Variants in SHMT1 observed in about 807,000 individuals in gnomAD.
SHMT1 encodes serine hydroxymethyltransferase 1.
Under a neutral mutation model 49.0 loss-of-function variants are expected in SHMT1, and 45 were observed. The ratio of observed to expected loss-of-function variants is 0.92; its 90% CI spans 0.72 to 1.18. The LOEUF (loss-of-function observed/expected upper bound fraction) is 1.18, where lower values mean the gene tolerates loss of function less well. Among genes scored for constraint, SHMT1 ranks in the 50% most tolerant of loss-of-function variants. The pLI is 0.00. For missense variants in SHMT1, 541 were observed against 612.4 expected (o/e 0.88, Z 1.23); for synonymous variants, 232 against 246.6 (o/e 0.94, Z 0.55).
intron 1 of SHMT1, among the ~76,000 whole-genome samples, chr17:18,360,158 A>T (rs1288502736): frequency 2.0e-5 from 3 of 151,998 alleles, no homozygotes; most frequent in Admixed American, 6.6e-5. Flanking sequence ...CTGAGGTAGG[A>T]AAATCGCTTG....
chr17:18,345,339 C>A (rs1269262107), intron 5 of SHMT1, among the ~76,000 whole-genome samples: 1 of 152,166 alleles, frequency 6.6e-6, no homozygotes, highest in Non-Finnish European at 1.5e-5. Flanking sequence ...CTCACTGCAA[C>A]CTCCGCCTCC....
intron 1 of SHMT1, among the ~76,000 whole-genome samples, chr17:18,356,504 T>C (rs971862749): frequency 6.6e-6 from 1 of 151,902 alleles, no homozygotes; most frequent in African/African-American, 2.4e-5. Flanking sequence ...CCTGGCTAAT[T>C]TGTGTATTTT....
chr17:18,355,263 A>G (rs1212342964), intron 2 of SHMT1, among the ~76,000 whole-genome samples: 6 of 138,336 alleles, frequency 4.3e-5, no homozygotes, highest in East Asian at 2.4e-4. Flanking sequence ...CCAGCTACTC[A>G]GGAGGCTGAG....
At chr17:18,342,305 A>T (rs958390403) in intron 5 of SHMT1, among the ~76,000 whole-genome samples, 5 of 152,126 alleles carry the variant, frequency 3.3e-5, no homozygotes, top group Non-Finnish European at 7.4e-5. Context: ...GCTCAGACAG[A>T]CAAATACTGC....
intron 3 of SHMT1, among the ~76,000 whole-genome samples, chr17:18,351,837 GT>G (rs1985738016): frequency 6.6e-6 from 1 of 151,812 alleles, no homozygotes; most frequent in South Asian, 2.1e-4. Flanking sequence ...TTAAGTTGTG[GT>G]TTTTCGGGGT....
chr17:18,354,651 A>G (rs1384299389), intron 2 of SHMT1, among the ~76,000 whole-genome samples: 1 of 152,086 alleles, frequency 6.6e-6, no homozygotes, highest in Non-Finnish European at 1.5e-5. Context: ...TGTCCCACCT[A>G]ATTTTTAACA....
chr17:18,358,266 C>T (rs1446675609), intron 1 of SHMT1, among the ~76,000 whole-genome samples: 2 of 149,802 alleles, frequency 1.3e-5, no homozygotes, highest in Non-Finnish European at 3.0e-5. Context: ...CCGAGGTGGG[C>T]GGATCAGGAG....
At chr17:18,338,056 C>T (rs1394374648) in intron 7 of SHMT1, among the ~76,000 whole-genome samples, 6 of 151,046 alleles carry the variant, frequency 4.0e-5, no homozygotes, top group African/African-American at 1.2e-4. Context: ...TGAGGAGCCC[C>T]TCTGCCTGGC....
chr17:18,350,896 C>T (rs1401255386), intron 3 of SHMT1, among the ~76,000 whole-genome samples: 2 of 151,658 alleles, frequency 1.3e-5, no homozygotes. Flanking sequence ...CCACACCCAG[C>T]TAATTTTTGT....
intron 3 of SHMT1, among the ~76,000 whole-genome samples, chr17:18,351,760 G>A (rs887286646): frequency 1.3e-5 from 2 of 151,614 alleles, no homozygotes; most frequent in African/African-American, 4.8e-5. Flanking sequence ...GTGACAGAGC[G>A]ATACTCCGTG....
intron 1 of SHMT1, among the ~76,000 whole-genome samples, chr17:18,359,157 G>C (rs893127282): frequency 2.0e-5 from 3 of 151,748 alleles, no homozygotes; most frequent in African/African-American, 7.3e-5. Context: ...AGAATCGCTT[G>C]AACCCGGGAG....
At chr17:18,335,736 G>A in intron 7 of SHMT1, 61 bp from the exon 8 acceptor site, 1 of 1,204,666 alleles carries the variant, frequency 8.3e-7, no homozygotes, top group Non-Finnish European at 1.2e-6. Flanking sequence ...TTCTTTTTAG[G>A]CTCAAACCCA....
At chr17:18,353,936 A>C (rs1330861837) in intron 2 of SHMT1, 119 bp from the exon 3 acceptor site, 1 of 913,792 alleles carries the variant, frequency 1.1e-6, no homozygotes, top group African/African-American at 1.6e-5. Flanking sequence ...AATAGAATGA[A>C]TCCTCCTCAA....
chr17:18,333,447 A>T (rs982593177), intron 8 of SHMT1, 159 bp from the exon 9 acceptor site: 20 of 417,862 alleles, frequency 4.8e-5, no homozygotes, highest in Admixed American at 1.8e-4. Context: ...ATATATTTTT[A>T]AAAATTTTTT....
At chr17:18,355,322 A>G (rs537650293) in intron 2 of SHMT1, among the ~76,000 whole-genome samples, 48 of 149,062 alleles carry the variant, frequency 3.2e-4, no homozygotes, top group African/African-American at 1.1e-3. Flanking sequence ...GTGAGCTGAG[A>G]TCACGCCACT....
chr17:18,337,931 C>T (rs1180715905), intron 7 of SHMT1, among the ~76,000 whole-genome samples: 90 of 139,180 alleles, frequency 6.5e-4, no homozygotes, highest in Admixed American at 2.0e-3. Flanking sequence ...ACAACCTCCA[C>T]CTCCCAGCCG....
chr17:18,356,022 G>T lies in SHMT1; in HGVS notation c.-19-22C>A, dbSNP rs776412057. 43 of 1,059,358 alleles carry T rather than the reference G, an allele frequency of 4.1e-5. No individual in the cohort carries two copies. In the African/African-American group the frequency reaches 6.4e-4, roughly 16 times the overall value. The allele number at this position is 1,059,358 out of a possible 1,614,324, so 65.6% of individuals were successfully genotyped here. ...CTGCCTAAAAAAATGGGAAAAACAT[G>T]TGTAGCTTCCAGAATTAAATTTATT... is the stretch of plus-strand genomic sequence containing the variant. On this transcript the variant is annotated intron_variant, in intron 1 of 11. Transcript: ENST00000316694.
chr17:18,344,291 G>A (rs1489559172), intron 5 of SHMT1, among the ~76,000 whole-genome samples: 2 of 152,134 alleles, frequency 1.3e-5, no homozygotes, highest in African/African-American at 4.8e-5. Context: ...TGCTTCAGGG[G>A]TGTGGTTCTT....
Position 18,347,995 on chromosome 17 carries a change from A to G in SHMT1, c.358+330T>C, listed in dbSNP as rs188938011. Reference sequence around the variant, plus strand: ...TGCAATGGCGCCATCTCGGCAGCTCACTGCAACCTCCGCCTCCCAGGTTCA... The same window carrying G: ...TGCAATGGCGCCATCTCGGCAGCTCGCTGCAACCTCCGCCTCCCAGGTTCA... On this transcript the variant is annotated intron_variant, in intron 4 of 11. Coordinates refer to ENST00000316694, the MANE Select transcript of SHMT1 (RefSeq NM_004169.5). Among the ~76,000 whole-genome samples the G allele has an allele frequency of 2.8e-4, 41 of 146,210 alleles. No individual in the cohort carries two copies. In the East Asian group the frequency reaches 6.2e-3, roughly 22 times the overall value.
Sources: gnomAD v4.1 joint callset for allele counts (sites outside exome capture counted in the v4.1 genomes callset) on GRCh38, gnomAD v4.1.1 for gene constraint, MANE v1.5 for transcripts, NCBI Gene and HGNC (gene_info 2026-07-23, HGNC 2026-07-21) for gene names.